Variants in NCOA4 observed in about 807,000 individuals in gnomAD.
NCOA4 encodes nuclear receptor coactivator 4.
NCOA4 carries 31 observed loss-of-function variants against 69.5 expected under a neutral mutation model. The ratio of observed to expected loss-of-function variants is 0.45; its 90% CI spans 0.34 to 0.60. The LOEUF (loss-of-function observed/expected upper bound fraction) is 0.60. NCOA4 is among the 20% of genes least tolerant of loss of function. NCOA4 has a pLI of 0.02. For synonymous variants in NCOA4, 228 were observed against 252.4 expected (o/e 0.90, Z 0.92); for missense variants, 600 against 719.2 (o/e 0.83, Z 1.90).
At chr10:46,029,340 C>G (rs1840332810) in intron 1 of NCOA4, among the ~76,000 whole-genome samples, 1 of 152,200 alleles carries the variant, frequency 6.6e-6, no homozygotes, top group African/African-American at 2.4e-5. Context: ...ATTTACTTAT[C>G]TGAACAAATC....
chr10:46,023,498 C>T, intron 1 of NCOA4: 1 of 985,560 alleles, frequency 1.0e-6, no homozygotes, highest in Admixed American at 6.1e-5. Flanking sequence ...AAGCCAAGGG[C>T]GGGGAGGAGC....
intron 1 of NCOA4, among the ~76,000 whole-genome samples, chr10:46,029,777 A>G (rs1052030613): frequency 1.4e-4 from 22 of 152,192 alleles, no homozygotes; most frequent in Non-Finnish European, 5.9e-5. Flanking sequence ...TAAGATTATG[A>G]TTATTGTTTT....
rs782289899 is a variant in NCOA4 at position 46,011,001 on chromosome 10, G to A, written c.920C>T (p.Thr307Ile). The change falls in exon 8 of 10, where the codon ACT becomes ATT. Residue 307 changes from threonine to isoleucine, a missense_variant. By Grantham distance (89) the Thr-to-Ile change is moderately conservative (BLOSUM62 -1). Coordinates refer to ENST00000581486, the MANE Select transcript of NCOA4 (RefSeq NM_001145263.2). ...DEMDLSDWLVTPQESHKLRKP... is the reference protein window; with the variant it reads ...DEMDLSDWLVIPQESHKLRKP... ...CCGCAGCTTATGGGATTCCTGGGGA[G>A]TCACTAGCCAATCTGATAGGTCCAT... is the stretch of plus-strand genomic sequence containing the variant. The A allele has an allele frequency of 3.7e-6, 6 of 1,613,840 alleles. No individual in the cohort carries two copies. Among genetic ancestry groups the A allele is most frequent in the Non-Finnish European group, 5.1e-6 (6 of 1,179,872 alleles).
At position 46,012,070 on chromosome 10, in the gene NCOA4, G is replaced by GAAAAAAAAAAAA. The variant is rs71026286; in HGVS notation, c.714+801_714+812dup. ...AGCAAGACTCGGTCTCAAAAAGAAA[G>GAAAAAAAAAAAA]AAAAAAAAAAAAAAAAAAAAAAAAA... On this transcript the variant is annotated intron_variant, in intron 7 of 9. Coordinates refer to ENST00000581486, the MANE Select transcript of NCOA4 (RefSeq NM_001145263.2). 1.9e-3 allele frequency among the ~76,000 whole-genome samples: 86 copies of GAAAAAAAAAAAA among 44,536 alleles called. 13 individuals carry two copies. Among genetic ancestry groups the GAAAAAAAAAAAA allele is most frequent in the East Asian group, 3.4e-3 (4 of 1,160 alleles). 29.2% of individuals were successfully genotyped at this position (44,536 alleles called of 152,430 possible).
intron 1 of NCOA4, among the ~76,000 whole-genome samples, chr10:46,021,791 C>G (rs1839883970): frequency 6.6e-6 from 1 of 152,062 alleles, no homozygotes; most frequent in Non-Finnish European, 1.5e-5. Flanking sequence ...GAAACCCTGT[C>G]TCTAATAAAA....
chr10:46,009,211 G>A lies in NCOA4; in HGVS notation c.1839+200C>T. 6.5e-7 allele frequency: 1 copy of A among 1,548,962 alleles called. No individual in the cohort carries two copies. Among genetic ancestry groups the A allele is most frequent in the South Asian group, 1.2e-5 (1 of 84,056 alleles). On this transcript the variant is annotated intron_variant, in intron 9 of 9. Coordinates refer to ENST00000581486, the MANE Select transcript of NCOA4 (RefSeq NM_001145263.2). ...ATCTTGAAAGTTCATTTTGAAGTAT[G>A]CCTAGTTAGTTAATAAAGCAAATTC...
intron 1 of NCOA4, among the ~76,000 whole-genome samples, chr10:46,020,795 C>T (rs1839822382): frequency 6.6e-6 from 1 of 152,188 alleles, no homozygotes; most frequent in African/African-American, 2.4e-5. Flanking sequence ...AGCTCTGATC[C>T]TAATATTCAA....
At chr10:46,027,560 T>G in intron 1 of NCOA4, 11 of 1,355,626 alleles carry the variant, frequency 8.1e-6, no homozygotes, top group Non-Finnish European at 1.1e-5. Flanking sequence ...ATGAAAACCT[T>G]GGATGAAAAT....
At chr10:46,016,470 T>G (rs1554923239) in intron 2 of NCOA4, 70 bp downstream of exon 2, 3 of 1,323,678 alleles carry the variant, frequency 2.3e-6, no homozygotes, top group Non-Finnish European at 2.9e-6. Flanking sequence ...AGAGACCAAG[T>G]CCTTGGCCAT....
chr10:46,006,651 A>C lies in NCOA4; in HGVS notation c.1840-54T>G. On this transcript the variant is annotated intron_variant, in intron 9 of 9. Transcript: ENST00000581486. Reference sequence around the variant, plus strand: ...TTACTTCAATGAAGAATAAAAGCAAATTTTCCCTGCCTTAAAGCTCCGACT... The same window carrying C: ...TTACTTCAATGAAGAATAAAAGCAACTTTTCCCTGCCTTAAAGCTCCGACT... The C allele has an allele frequency of 1.9e-6, 3 of 1,583,518 alleles. No individual in the cohort carries two copies. In the South Asian group the frequency reaches 3.3e-5, roughly 18 times the overall value.
At chr10:46,011,424 C>T (rs1037784971) in intron 7 of NCOA4, among the ~76,000 whole-genome samples, 6 of 137,172 alleles carry the variant, frequency 4.4e-5, no homozygotes, top group South Asian at 2.7e-4. Context: ...CCCACCACCA[C>T]GCCCAGCTAA....
Position 46,010,241 on chromosome 10 carries a change from C to T in NCOA4, c.1680G>A (p.Leu560=), listed in dbSNP as rs782569017. The part of the protein sequence containing the change: ...SQLSSGEDKW[L]LRKKAQEVLL... ...TGCTCACCTGGGCCTTCTTTCGAAG[C>T]AGCCACTTGTCTTCTCCAGAAGATA... The change falls in exon 8 of 10, where the codon CTG becomes CTA. Residue 560 remains leucine (L), a synonymous_variant. Transcript: ENST00000581486. The T allele has an allele frequency of 2.1e-5, 34 of 1,603,204 alleles. No individual in the cohort carries two copies. The highest frequency in any genetic ancestry group is 2.8e-5 in the Non-Finnish European group (33 of 1,176,716).
In NCOA4 at chr10:46,005,557, C is replaced by G. The variant is rs782167447; in HGVS notation, c.*1035G>C. On this transcript the variant is annotated 3_prime_UTR_variant, in exon 10 of 10. Coordinates refer to ENST00000581486, the MANE Select transcript of NCOA4 (RefSeq NM_001145263.2). ...AAGCATGGACGTAACTTTAAGGAGA[C>G]TGAGAAAACATCAGTAGTTTTCACA... is the stretch of plus-strand genomic sequence containing the variant. The G allele has an allele frequency of 2.3e-4, 50 of 221,134 alleles. No homozygotes were observed. Among genetic ancestry groups the G allele is most frequent in the Non-Finnish European group, 3.5e-4 (39 of 110,066 alleles). 13.7% of individuals were successfully genotyped at this position (221,134 alleles called of 1,614,324 possible). A position where few individuals can be genotyped will look rare whatever the true frequency, so the allele number is the denominator to read the frequency against.
In NCOA4 at chr10:46,013,541, ATAT is replaced by A; in HGVS notation, c.570+6_570+8del. 1 of 1,593,446 alleles carries A rather than the reference ATAT, an allele frequency of 6.3e-7. No homozygotes were observed. The highest frequency in any genetic ancestry group is 8.6e-7 in the Non-Finnish European group (1 of 1,163,768). ...TGACTCAATTACCAAAAACAAAATG[ATAT>A]TTTACCTGCTCTGGCATGGAGATAC... On this transcript the variant is annotated splice_donor_region_variant and intron_variant, in intron 6 of 9. Transcript: ENST00000581486.
intron 7 of NCOA4, 113 bp downstream of exon 7, chr10:46,012,770 T>A: frequency 9.8e-7 from 1 of 1,019,916 alleles, no homozygotes; most frequent in Non-Finnish European, 1.3e-6. Context: ...TATTAATAAA[T>A]ATGTTTCCAG....
At chr10:46,013,678 A>G (rs1554922364) in intron 5 of NCOA4, 39 bp from the exon 6 acceptor site, 2 of 1,418,880 alleles carry the variant, frequency 1.4e-6, no homozygotes, top group East Asian at 2.3e-5. Flanking sequence ...TATTTATGCT[A>G]TGCTGCCAAA....
rs1008840595 is a variant in NCOA4, at chr10:46,023,583, C to A, written c.-14-6889G>T. 51 of 936,186 alleles carry A rather than the reference C, an allele frequency of 5.4e-5. No homozygotes were observed. The African/African-American group carries it at 8.9e-4, about 16-fold the overall frequency. 58.0% of individuals were successfully genotyped at this position (936,186 alleles called of 1,614,324 possible). ...CTCGCGGCCCCCCTGCAGCTCCCTC[C>A]CCGCTGGGCCTCCCTGCTAGACGCC... On this transcript the variant is annotated intron_variant, in intron 1 of 9. Transcript: ENST00000581486.
chr10:46,006,973 T>C (rs1165171807), intron 9 of NCOA4, among the ~76,000 whole-genome samples: 1 of 152,230 alleles, frequency 6.6e-6, no homozygotes, highest in African/African-American at 2.4e-5. Flanking sequence ...ATGATTAAAC[T>C]TAGCGAGAAA....
intron 2 of NCOA4, among the ~76,000 whole-genome samples, chr10:46,015,656 C>T (rs1187390901): frequency 2.0e-5 from 3 of 152,176 alleles, no homozygotes; most frequent in Non-Finnish European, 4.4e-5. Context: ...CTGACCCCCT[C>T]AGTTTTCCAC....
Sources: gnomAD v4.1 joint callset for allele counts (sites outside exome capture counted in the v4.1 genomes callset) on GRCh38, gnomAD v4.1.1 for gene constraint, MANE v1.5 for transcripts, NCBI Gene and HGNC (gene_info 2026-07-23, HGNC 2026-07-21) for gene names.